Variants in VPS54 observed in about 807,000 individuals in gnomAD.
VPS54 encodes the protein VPS54 subunit of GARP complex.
Under a neutral mutation model 121.5 loss-of-function variants are expected in VPS54, and 45 were observed. The ratio of observed to expected loss-of-function variants is 0.37; its 90% CI spans 0.29 to 0.47. The LOEUF is 0.47. Ranked by LOEUF, VPS54 falls within the 20% of genes least tolerant of loss-of-function variation. The pLI is 0.99. For synonymous variants in VPS54, 371 were observed against 385.8 expected (o/e 0.96, Z 0.45); for missense variants, 1,090 against 1,131.4 (o/e 0.96, Z 0.52).
At chr2:63,946,211 T>C (rs1305823223) in intron 9 of VPS54, among the ~76,000 whole-genome samples, 1 of 152,132 alleles carries the variant, frequency 6.6e-6, no homozygotes, top group African/African-American at 2.4e-5. Context: ...TTATTCTGTG[T>C]AATCTATTCA....
At chr2:63,906,970 C>G (rs941913094) in intron 20 of VPS54, among the ~76,000 whole-genome samples, 1 of 152,108 alleles carries the variant, frequency 6.6e-6, no homozygotes, top group African/African-American at 2.4e-5. Flanking sequence ...GCTGGAGTAG[C>G]TAAGACAGTG....
chr2:63,973,212 AT>A (rs1676366559), intron 3 of VPS54, among the ~76,000 whole-genome samples: 2 of 152,088 alleles, frequency 1.3e-5, no homozygotes, highest in Admixed American at 1.3e-4. Flanking sequence ...AGTGTTTTAG[AT>A]TTTTGCTATT....
chr2:63,951,206 C>CTT (rs71245641), intron 7 of VPS54, among the ~76,000 whole-genome samples: 34,463 of 134,166 alleles, frequency 0.26, 4,674 homozygotes, highest in African/African-American at 0.3. Flanking sequence ...ACAAATTTCC[C>CTT]TTTTTTTTTT....
chr2:63,903,130 G>C (rs1356849554), intron 20 of VPS54, among the ~76,000 whole-genome samples: 1 of 152,134 alleles, frequency 6.6e-6, no homozygotes, highest in African/African-American at 2.4e-5. Context: ...AAGTGCAGAA[G>C]AAACTCAAGC....
At chr2:63,941,963 G>C (rs1231304578) in intron 11 of VPS54, among the ~76,000 whole-genome samples, 2 of 151,124 alleles carry the variant, frequency 1.3e-5, no homozygotes, top group Admixed American at 6.6e-5. Context: ...GAACCCGGGA[G>C]GGAGAAGTTG....
At chr2:63,899,451 T>G in intron 21 of VPS54, 23 bp downstream of exon 21, 1 of 1,597,652 alleles carries the variant, frequency 6.3e-7, no homozygotes, top group South Asian at 1.1e-5. Context: ...TATACATGAA[T>G]AGTTTTAGGA....
intron 8 of VPS54, among the ~76,000 whole-genome samples, chr2:63,948,275 T>C (rs1675081934): frequency 6.6e-6 from 1 of 152,152 alleles, no homozygotes; most frequent in Non-Finnish European, 1.5e-5. Flanking sequence ...TTGTCAGTGA[T>C]TAACACTGAG....
intron 11 of VPS54, among the ~76,000 whole-genome samples, chr2:63,939,775 T>C (rs2104503346): frequency 6.6e-6 from 1 of 152,050 alleles, no homozygotes; most frequent in East Asian, 1.9e-4. Context: ...GCCTTTTTTT[T>C]TTTTAAGACG....
intron 16 of VPS54, among the ~76,000 whole-genome samples, chr2:63,916,605 A>G (rs1254029409): frequency 6.6e-6 from 1 of 152,278 alleles, no homozygotes; most frequent in East Asian, 1.9e-4. Flanking sequence ...GATAGCAATA[A>G]TATCATGGAT....
intron 22 of VPS54, among the ~76,000 whole-genome samples, chr2:63,894,390 A>G (rs1295364453): frequency 3.9e-5 from 6 of 152,166 alleles, no homozygotes; most frequent in Non-Finnish European, 7.3e-5. Context: ...TCACTAGGGG[A>G]AATGTCTAAT....
At position 63,933,685 on chromosome 2, in the gene VPS54, C is replaced by T. The variant is rs1294813187; in HGVS notation, c.1727G>A (p.Gly576Asp). The change falls in exon 12 of 23, where the codon GGT becomes GAT. Residue 576 changes from glycine to aspartate, a missense_variant. By Grantham distance (94) the Gly-to-Asp change is moderately conservative. Around this residue, in one of 2 missense-constraint regions of VPS54, gnomAD observed 801 missense variants for 757.0 expected, o/e 1.06. Coordinates refer to ENST00000272322, the MANE Select transcript of VPS54 (RefSeq NM_016516.3). ...CCACTATACTCACATAATATCCACA[C>T]CTCCTGGAATAGCAGATGATGATGT... ...EHTSSSAIPG[G>D]VDIMVSEDMK... The T allele has an allele frequency of 2.3e-5, 37 of 1,612,008 alleles. No individual in the cohort carries two copies. Among genetic ancestry groups the T allele is most frequent in the Non-Finnish European group, 3.1e-5 (37 of 1,179,428 alleles).
chr2:63,968,812 G>GAA (rs1426370429), intron 5 of VPS54, 145 bp downstream of exon 5: 24 of 653,112 alleles, frequency 3.7e-5, no homozygotes, highest in African/African-American at 1.2e-4. Context: ...GAGAAAGAAA[G>GAA]AAGAAAAGTG....
chr2:63,919,516 A>G (rs1376999530), intron 15 of VPS54, among the ~76,000 whole-genome samples: 1 of 152,102 alleles, frequency 6.6e-6, no homozygotes, highest in Admixed American at 6.5e-5. Flanking sequence ...CTATGAAATT[A>G]TATAAAGCTG....
chr2:64,014,008 T>C (rs1266366632), intron 1 of VPS54, among the ~76,000 whole-genome samples: 2 of 148,458 alleles, frequency 1.3e-5, no homozygotes, highest in African/African-American at 4.9e-5. Context: ...CTGACCAACA[T>C]GGCGAAACCC....
chr2:63,968,780 A>G (rs963799036), intron 5 of VPS54, among the ~76,000 whole-genome samples, 177 bp downstream of exon 5: 1 of 151,868 alleles, frequency 6.6e-6, no homozygotes, highest in Non-Finnish European at 1.5e-5. Context: ...AGACAGAAGG[A>G]AGGAAAGAAA....
At chr2:63,995,654 C>G (rs1248558512) in intron 1 of VPS54, among the ~76,000 whole-genome samples, 1 of 152,214 alleles carries the variant, frequency 6.6e-6, no homozygotes, top group Non-Finnish European at 1.5e-5. Flanking sequence ...ATTGGCTAAT[C>G]AAATTAATGA....
intron 3 of VPS54, among the ~76,000 whole-genome samples, chr2:63,973,430 G>A (rs755259674): frequency 1.2e-4 from 19 of 152,090 alleles, no homozygotes; most frequent in South Asian, 4.1e-4. Context: ...ATCTTTCCAT[G>A]TGCTAATTGC....
At chr2:63,898,719 T>C (rs1672546700) in intron 21 of VPS54, among the ~76,000 whole-genome samples, 2 of 152,232 alleles carry the variant, frequency 1.3e-5, no homozygotes, top group East Asian at 1.9e-4. Context: ...GCAACTAGAC[T>C]TTAATATTAT....
chr2:63,925,306 A>C (rs1179408554), intron 12 of VPS54, among the ~76,000 whole-genome samples: 1 of 152,232 alleles, frequency 6.6e-6, no homozygotes, highest in African/African-American at 2.4e-5. Flanking sequence ...CCTAACAATC[A>C]TCAGGGAAAT....
Sources: gnomAD v4.1 joint callset for allele counts (sites outside exome capture counted in the v4.1 genomes callset) on GRCh38, gnomAD v4.1.1 for gene constraint, gnomAD v4.1.1 regional missense constraint, MANE v1.5 for transcripts, NCBI Gene and HGNC (gene_info 2026-07-23, HGNC 2026-07-21) for gene names.